ZNF827: variants seen among roughly 807,000 people sequenced by gnomAD.
ZNF827 encodes the protein zinc finger protein 827.
A neutral mutation model predicts 102.4 loss-of-function variants in ZNF827; 13 were observed. The ratio of observed to expected loss-of-function variants is 0.13; its 90% CI spans 0.08 to 0.20. The LOEUF (loss-of-function observed/expected upper bound fraction) is 0.20, where lower values mean the gene tolerates loss of function less well. Ranked by LOEUF, ZNF827 falls within the 10% of genes least tolerant of loss-of-function variation. The pLI is 1.00. For synonymous variants in ZNF827, 523 were observed against 536.2 expected, an observed-to-expected ratio of 0.98 and a Z score of 0.34; for missense variants, 1,103 against 1,344.4, an observed-to-expected ratio of 0.82 and a Z score of 2.81.
chr4:145,898,905 A>G (rs1362485746), intron 2 of ZNF827, among the ~76,000 whole-genome samples: 3 of 152,198 alleles, frequency 2.0e-5, no homozygotes, highest in Non-Finnish European at 4.4e-5. Context: ...TTTCTAGCAC[A>G]TATCTCTTTG....
chr4:145,881,256 T>C (rs1328096528), intron 4 of ZNF827, among the ~76,000 whole-genome samples: 1 of 152,238 alleles, frequency 6.6e-6, no homozygotes, highest in Admixed American at 6.5e-5. Context: ...TATCCATTTG[T>C]TCATAAACTG....
intron 8 of ZNF827, among the ~76,000 whole-genome samples, chr4:145,796,231 C>T (rs1356273598): frequency 6.6e-6 from 1 of 152,192 alleles, no homozygotes; most frequent in African/African-American, 2.4e-5. Context: ...GGAGGTTCTT[C>T]ACTCTTTCAA....
At chr4:145,766,526 G>C (rs1046313673) in intron 11 of ZNF827, among the ~76,000 whole-genome samples, 6 of 152,194 alleles carry the variant, frequency 3.9e-5, no homozygotes, top group Non-Finnish European at 8.8e-5. Context: ...GAAGGAACCA[G>C]GTGGAACCTG....
intron 4 of ZNF827, among the ~76,000 whole-genome samples, chr4:145,873,517 G>T (rs2126771681): frequency 6.6e-6 from 1 of 152,318 alleles, no homozygotes; most frequent in East Asian, 1.9e-4. Flanking sequence ...CAGCATTACT[G>T]AAATATCTAA....
At chr4:145,864,420 CA>C (rs34745619) in intron 5 of ZNF827, among the ~76,000 whole-genome samples, 12,632 of 60,642 alleles carry the variant, frequency 0.21, 508 homozygotes, top group East Asian at 0.41. Context: ...CTTGTCTCTA[CA>C]AAAAAAAAAA....
chr4:145,909,337 T>A (rs530425767), intron 1 of ZNF827, among the ~76,000 whole-genome samples: 1 of 152,300 alleles, frequency 6.6e-6, no homozygotes, highest in Admixed American at 6.5e-5. Context: ...ATTTTCTCAG[T>A]TCCTGTACCA....
chr4:145,807,416 CTCAA>C (rs10589536), intron 8 of ZNF827, among the ~76,000 whole-genome samples: 6,530 of 152,050 alleles, frequency 0.043, 351 homozygotes, highest in African/African-American at 0.11. Flanking sequence ...AACTAAAACC[CTCAA>C]TCAGAGTTCC....
rs372522738 is a variant in ZNF827, at chr4:145,902,849, G to A, written c.410C>T (p.Ala137Val). 12 of 1,614,058 alleles carry A rather than the reference G, an allele frequency of 7.4e-6. No homozygotes were observed. The highest frequency in any genetic ancestry group is 2.7e-5 in the African/African-American group (2 of 74,924). ...CTCCACTCTGCCATTAGCCGTGGCT[G>A]CAGCATCGAGTTTGAGGGAACCAGC... ...LEAGSLKLDA[A>V]ATANGRVESP... Residue 137 changes from alanine (A) to valine (V), a missense_variant, in exon 2 of 15, where the codon GCA becomes GTA. Transcript: ENST00000508784. This position sits in a 1 kb window ranked among gnomAD's most constrained non-coding sequence, Gnocchi z 4.3.
In ZNF827 at chr4:145,825,348, A is replaced by G. The variant is rs146354457; in HGVS notation, c.2280-1823T>C. On this transcript the variant is annotated intron_variant, in intron 7 of 14. Transcript: ENST00000508784. ...GTGCAGTGATCATGGCTTTGTCCCAACAGTAGTGAGGGCACTGCAGTGTCT... is the reference window on the plus strand; with the variant it reads ...GTGCAGTGATCATGGCTTTGTCCCAGCAGTAGTGAGGGCACTGCAGTGTCT... Among the ~76,000 whole-genome samples the G allele has an allele frequency of 1.9e-3, 284 of 152,330 alleles. 1 individual carries two copies. The highest frequency in any genetic ancestry group is 6.6e-3 in the African/African-American group (274 of 41,586).
At chr4:145,799,988 A>T (rs1740730060) in intron 8 of ZNF827, among the ~76,000 whole-genome samples, 1 of 146,942 alleles carries the variant, frequency 6.8e-6, no homozygotes. Context: ...TATTTAAGCC[A>T]TTGCTATTTT....
intron 5 of ZNF827, among the ~76,000 whole-genome samples, chr4:145,865,850 A>G (rs1446590345): frequency 6.6e-6 from 1 of 152,164 alleles, no homozygotes; most frequent in Non-Finnish European, 1.5e-5. Context: ...ACATGCCCTC[A>G]TTTCTAAATA....
At chr4:145,786,560 A>C (rs1738897741) in intron 8 of ZNF827, among the ~76,000 whole-genome samples, 1 of 152,180 alleles carries the variant, frequency 6.6e-6, no homozygotes, top group African/African-American at 2.4e-5. Flanking sequence ...GAAATTCTGA[A>C]ATCCTCTGTA....
chr4:145,851,056 A>G (rs552113984), intron 5 of ZNF827, among the ~76,000 whole-genome samples: 1 of 152,298 alleles, frequency 6.6e-6, no homozygotes, highest in African/African-American at 2.4e-5. Flanking sequence ...ACAGACAGAG[A>G]CTGGAGTGAT....
intron 1 of ZNF827, among the ~76,000 whole-genome samples, chr4:145,931,423 GA>G (rs1561091511): frequency 6.6e-6 from 1 of 152,108 alleles, no homozygotes; most frequent in Non-Finnish European, 1.5e-5. Context: ...GAAATCTGAT[GA>G]AAAAAAGCTC....
intron 4 of ZNF827, among the ~76,000 whole-genome samples, chr4:145,884,038 G>C (rs1205826240): frequency 1.3e-5 from 2 of 152,198 alleles, no homozygotes; most frequent in African/African-American, 4.8e-5. Context: ...GATTGGAATA[G>C]AGGAGGGAGA....
In ZNF827 at chr4:145,791,228, C is replaced by CA. The variant is rs554533087; in HGVS notation, c.2384-11718dup. ...TGTCTGGGGAGGCCCTGCTTCCTCA[C>CA]AGACAGCCATCTTTCTCACTCCACC... On this transcript the variant is annotated intron_variant, in intron 8 of 14. Transcript: ENST00000508784. 2.6e-5 allele frequency among the ~76,000 whole-genome samples: 4 copies of CA among 152,326 alleles called. No individual in the cohort carries two copies. In the South Asian group the frequency reaches 8.3e-4, roughly 32 times the overall value.
rs1301442551 is a variant in ZNF827 at position 145,856,971 on chromosome 4, GCGCGCA to G, written c.1982-7416_1982-7411del. Among the ~76,000 whole-genome samples, 3 of 127,688 alleles carry G rather than the reference GCGCGCA, an allele frequency of 2.3e-5. No homozygotes were observed. The South Asian group carries it at 9.4e-4, about 40-fold the overall frequency. 83.8% of individuals were successfully genotyped at this position (127,688 alleles called of 152,430 possible). A position where few individuals can be genotyped will look rare whatever the true frequency, so the allele number is the denominator to read the frequency against. ...CCTCCTCCTTCTTTCTCGCTCATGC[GCGCGCA>G]CGCGCACGCACACACACACACACAC... On this transcript the variant is annotated intron_variant, in intron 5 of 14. Transcript: ENST00000508784.
intron 2 of ZNF827, among the ~76,000 whole-genome samples, chr4:145,896,895 T>C (rs1751016424): frequency 1.3e-5 from 2 of 152,204 alleles, no homozygotes; most frequent in South Asian, 4.1e-4. Flanking sequence ...GATGATCTTA[T>C]GGGAGGTTTG....
chr4:145,903,122 C>G lies in ZNF827; in HGVS notation c.137G>C (p.Gly46Ala). 1 of 1,614,184 alleles carries G rather than the reference C, an allele frequency of 6.2e-7. No homozygotes were observed. The highest frequency in any genetic ancestry group is 8.5e-7 in the Non-Finnish European group (1 of 1,180,022). Residue 46 changes from glycine (G) to alanine (A), a missense_variant, in exon 2 of 15, where the codon GGG becomes GCG. Coordinates refer to ENST00000508784, the MANE Select transcript of ZNF827 (RefSeq NM_001306215.2). ...SSETPSEASY[G>A]EVQENYKLSL... ...CAACTTATAGTTCTCCTGGACTTCC[C>G]CATAGGATGCTTCTGACGGAGTCTC...
Sources: gnomAD v4.1 joint callset for allele counts (sites outside exome capture counted in the v4.1 genomes callset) on GRCh38, gnomAD v4.1.1 for gene constraint, Gnocchi (gnomAD v3.1) non-coding constraint, MANE v1.5 for transcripts, NCBI Gene and HGNC (gene_info 2026-07-23, HGNC 2026-07-21) for gene names.